ATP2B2: variants seen among roughly 807,000 people sequenced by gnomAD.
ATP2B2 encodes plasma membrane calcium-transporting ATPase 2.
ATP2B2 carries 15 observed loss-of-function variants against 120.0 expected under a neutral mutation model. The ratio of observed to expected loss-of-function variants is 0.12; its 90% CI spans 0.08 to 0.19. ATP2B2 has a LOEUF of 0.19. Ranked by LOEUF, ATP2B2 falls within the 10% of genes least tolerant of loss-of-function variation. ATP2B2 has a pLI of 1.00. For synonymous variants in ATP2B2, 694 were observed against 700.3 expected (o/e 0.99, Z 0.14); for missense variants, 1,045 against 1,719.8 (o/e 0.61, Z 6.94).
At chr3:10,370,826 C>T (rs572791965) in intron 12 of ATP2B2, among the ~76,000 whole-genome samples, 4 of 152,170 alleles carry the variant, frequency 2.6e-5, no homozygotes, top group Admixed American at 2.6e-4. Flanking sequence ...AAGGCAGAAA[C>T]GTTCTACATC....
chr3:10,679,249 G>A lies in ATP2B2; in HGVS notation c.-460+28666C>T, dbSNP rs933406684. Among the ~76,000 whole-genome samples, 3 of 152,186 alleles carry A rather than the reference G, an allele frequency of 2.0e-5. No individual in the cohort carries two copies. The East Asian group carries it at 5.8e-4, about 29-fold the overall frequency. On this transcript the variant is annotated intron_variant, in intron 1 of 21. Coordinates refer to the ATP2B2 transcript ENST00000646379. ...AACTGTGAGATAATGCATGTATGTT[G>A]TTTTAAGCCACTAAGTTTGTGGTAA...
intron 2 of ATP2B2, among the ~76,000 whole-genome samples, chr3:10,613,004 T>G (rs2069283252): frequency 6.6e-6 from 1 of 152,086 alleles, no homozygotes; most frequent in African/African-American, 2.4e-5. Context: ...ACCATGCCAT[T>G]ACAGAGTTGG....
chr3:10,366,556 C>T (rs994070659), intron 12 of ATP2B2, among the ~76,000 whole-genome samples: 12 of 152,214 alleles, frequency 7.9e-5, no homozygotes, highest in Non-Finnish European at 1.8e-4. Flanking sequence ...AAGTGCCCAT[C>T]CTCAGTTTAA....
Position 10,470,135 on chromosome 3 carries a change from T to C in ATP2B2, c.-319-20273A>G, listed in dbSNP as rs551039550. 9.2e-5 allele frequency among the ~76,000 whole-genome samples: 14 copies of C among 152,172 alleles called. No individual in the cohort carries two copies. The South Asian group carries it at 2.9e-3, about 32-fold the overall frequency. ...TCACTTGAAGTGACCCAGGGAGTTA[T>C]CAAGGAAGGCAGGGCTGTCTCTGAC... On this transcript the variant is annotated intron_variant, in intron 1 of 22. Coordinates refer to ENST00000360273, the MANE Select transcript of ATP2B2 (RefSeq NM_001001331.4).
chr3:10,547,957 G>C (rs926844208), intron 2 of ATP2B2, among the ~76,000 whole-genome samples: 4 of 152,210 alleles, frequency 2.6e-5, no homozygotes, highest in Admixed American at 2.0e-4. Context: ...GCATTTGGGA[G>C]GAGCACTGGG....
At chr3:10,527,263 T>C (rs927610614) in intron 3 of ATP2B2, among the ~76,000 whole-genome samples, 1 of 152,218 alleles carries the variant, frequency 6.6e-6, no homozygotes, top group Non-Finnish European at 1.5e-5. Context: ...TTGCCTGTGT[T>C]GAAGGGCTCC....
At chr3:10,562,430 G>T (rs2067922962) in intron 2 of ATP2B2, among the ~76,000 whole-genome samples, 1 of 152,160 alleles carries the variant, frequency 6.6e-6, no homozygotes, top group South Asian at 2.1e-4. Context: ...CCCTCCAGGG[G>T]TGGGGCTTCT....
chr3:10,492,855 A>G (rs6779130), intron 1 of ATP2B2, among the ~76,000 whole-genome samples: 3,095 of 152,300 alleles, frequency 0.02, 90 homozygotes, highest in African/African-American at 0.069. Flanking sequence ...AAAAGAGAGC[A>G]GATGGAACTT....
rs770942683 is a variant in ATP2B2, at chr3:10,338,171, T to C, written c.3420+5A>G. On this transcript the variant is annotated splice_donor_5th_base_variant and intron_variant, in intron 22 of 22. Coordinates refer to ENST00000360273, the MANE Select transcript of ATP2B2 (RefSeq NM_001001331.4). The stretch of plus-strand genomic sequence containing the variant: ...CTGGGCCCAGCCCCCAAGAGCCTCC[T>C]GTACCTGTGTCTGGATCCGATTCAG... 2 of 1,613,904 alleles carry C rather than the reference T, an allele frequency of 1.2e-6. No homozygotes were observed. The highest frequency in any genetic ancestry group is 2.2e-5 in the South Asian group (2 of 91,082).
At chr3:10,418,147 G>A (rs1381124709) in intron 2 of ATP2B2, among the ~76,000 whole-genome samples, 1 of 152,086 alleles carries the variant, frequency 6.6e-6, no homozygotes, top group African/African-American at 2.4e-5. Flanking sequence ...TCACCTCTGT[G>A]AGCTACACCA....
intron 2 of ATP2B2, among the ~76,000 whole-genome samples, chr3:10,427,450 A>G (rs550889207): frequency 1.3e-5 from 2 of 152,328 alleles, no homozygotes; most frequent in East Asian, 3.9e-4. Flanking sequence ...TCTGACCCAC[A>G]ATATACGCTG....
intron 2 of ATP2B2, among the ~76,000 whole-genome samples, chr3:10,411,873 T>A (rs2062623196): frequency 6.6e-6 from 1 of 152,126 alleles, no homozygotes; most frequent in Non-Finnish European, 1.5e-5. Flanking sequence ...GCACCCCTCA[T>A]CATGTGGGGA....
chr3:10,610,171 T>C (rs967033015), intron 2 of ATP2B2, among the ~76,000 whole-genome samples: 5 of 151,152 alleles, frequency 3.3e-5, no homozygotes, highest in Admixed American at 2.6e-4. Flanking sequence ...GGAAAAAATA[T>C]ATATCGTGTG....
At chr3:10,388,545 G>T in intron 5 of ATP2B2, 143 bp from the exon 6 acceptor site, 1 of 1,226,332 alleles carries the variant, frequency 8.2e-7, no homozygotes, top group Non-Finnish European at 1.2e-6. Context: ...GATTCACACT[G>T]TGTGTGTGGT....
At position 10,374,895 on chromosome 3, in the gene ATP2B2, T is replaced by C. The variant is rs540425766; in HGVS notation, c.1416+535A>G. On this transcript the variant is annotated intron_variant, in intron 11 of 22. Coordinates refer to ENST00000360273, the MANE Select transcript of ATP2B2 (RefSeq NM_001001331.4). Reference sequence around the variant, plus strand: ...TCTATGAAATCAGACTTCCTTTTTGTTTTTGGCTTACCCCTCACACTTCAG... The same window carrying C: ...TCTATGAAATCAGACTTCCTTTTTGCTTTTGGCTTACCCCTCACACTTCAG... Among the ~76,000 whole-genome samples the C allele has an allele frequency of 3.2e-4, 48 of 152,364 alleles. 1 individual carries two copies. Among genetic ancestry groups the C allele is most frequent in the Non-Finnish European group, 5.0e-4 (34 of 68,036 alleles).
chr3:10,525,067 C>T (rs2067064602), intron 3 of ATP2B2, among the ~76,000 whole-genome samples: 1 of 152,156 alleles, frequency 6.6e-6, no homozygotes, highest in African/African-American at 2.4e-5. Context: ...CCCTCTGGGG[C>T]CAAGGCCAGT....
chr3:10,671,840 T>C (rs2071105333), intron 1 of ATP2B2, among the ~76,000 whole-genome samples: 1 of 152,188 alleles, frequency 6.6e-6, no homozygotes, highest in Admixed American at 6.5e-5. Flanking sequence ...CCAAAGACAC[T>C]GGTGGCCTCG....
intron 14 of ATP2B2, among the ~76,000 whole-genome samples, chr3:10,352,198 G>T (rs1249062076): frequency 6.6e-6 from 1 of 152,226 alleles, no homozygotes; most frequent in Non-Finnish European, 1.5e-5. Context: ...TCTCAAGCTG[G>T]GTCATTGCCC....
chr3:10,405,236 T>C (rs1251515244), intron 3 of ATP2B2, among the ~76,000 whole-genome samples: 1 of 152,120 alleles, frequency 6.6e-6, no homozygotes, highest in East Asian at 1.9e-4. Flanking sequence ...GACTGGCCTC[T>C]GAAAGCCAAG....
Sources: gnomAD v4.1 joint callset for allele counts (sites outside exome capture counted in the v4.1 genomes callset) on GRCh38, gnomAD v4.1.1 for gene constraint, MANE v1.5 for transcripts, NCBI Gene and HGNC (gene_info 2026-07-23, HGNC 2026-07-21) for gene names.